The following KCTD3 variants were observed in gnomAD, a reference collection of about 807,000 sequenced individuals.
The protein encoded by KCTD3 is BTB/POZ domain-containing protein KCTD3.
KCTD3 carries 41 observed loss-of-function variants against 85.8 expected under a neutral mutation model. That is an observed-to-expected ratio of 0.48 (90% CI 0.37 to 0.62). The LOEUF is 0.62. Ranked by LOEUF, KCTD3 falls within the 20% of genes least tolerant of loss-of-function variation. The probability of loss-of-function intolerance (pLI) is 0.00; values close to 1 mark genes in which losing one functional copy is unlikely to be tolerated. For synonymous variants in KCTD3, 338 were observed against 345.4 expected (o/e 0.98, Z 0.24); for missense variants, 724 against 989.9 (o/e 0.73, Z 3.60).
At chr1:215,618,845 T>C in intron 15 of KCTD3, 41 bp from the exon 16 acceptor site, 12 of 1,412,810 alleles carry the variant, frequency 8.5e-6, no homozygotes, top group Non-Finnish European at 1.2e-5. Context: ...TTTAAATAAT[T>C]GCTCATTCCC....
At chr1:215,595,288 A>G in intron 9 of KCTD3, 68 bp from the exon 10 acceptor site, 1 of 941,432 alleles carries the variant, frequency 1.1e-6, no homozygotes, top group Non-Finnish European at 1.7e-6. Flanking sequence ...AGATGTTTTT[A>G]ATCCAGGTTT....
At chr1:215,608,477 G>A (rs1571896573) in intron 14 of KCTD3, among the ~76,000 whole-genome samples, 1 of 151,880 alleles carries the variant, frequency 6.6e-6, no homozygotes, top group African/African-American at 2.4e-5. Context: ...TGATAACTGT[G>A]TACATTTGAC....
In KCTD3 at chr1:215,567,604, G is replaced by C; in HGVS notation, c.-82G>C. ...CCGCCCCGCTGGCCCTGCAGCCGTCGCCGCTGCCTCGGGCTACAGCCCCGG... is the reference window on the plus strand; with the variant it reads ...CCGCCCCGCTGGCCCTGCAGCCGTCCCCGCTGCCTCGGGCTACAGCCCCGG... On this transcript the variant is annotated 5_prime_UTR_variant, in exon 1 of 18. Transcript: ENST00000259154. 1 of 882,908 alleles carries C rather than the reference G, an allele frequency of 1.1e-6. No homozygotes were observed. 54.7% of individuals were successfully genotyped at this position (882,908 alleles called of 1,614,324 possible).
chr1:215,585,206 G>GT (rs1431896507), intron 8 of KCTD3, among the ~76,000 whole-genome samples: 4 of 152,084 alleles, frequency 2.6e-5, no homozygotes, highest in African/African-American at 7.2e-5. Flanking sequence ...AAATTTTAGT[G>GT]TTTATTAGGT....
intron 1 of KCTD3, among the ~76,000 whole-genome samples, chr1:215,571,256 C>A (rs1446461599): frequency 6.6e-6 from 1 of 152,144 alleles, no homozygotes; most frequent in Non-Finnish European, 1.5e-5. Context: ...TTCAATTTAC[C>A]ATTGAGTGGA....
chr1:215,614,845 C>A (rs1655370355), intron 15 of KCTD3, among the ~76,000 whole-genome samples: 1 of 151,986 alleles, frequency 6.6e-6, no homozygotes, highest in Non-Finnish European at 1.5e-5. Flanking sequence ...TGAATAAATT[C>A]TTTGAGATGA....
intron 13 of KCTD3, among the ~76,000 whole-genome samples, chr1:215,607,626 A>G (rs1485965368): frequency 6.6e-6 from 1 of 151,840 alleles, no homozygotes; most frequent in African/African-American, 2.4e-5. Flanking sequence ...ATCTAGGTTA[A>G]TAGTTGAGTA....
In KCTD3 at chr1:215,586,561, A is replaced by G; in HGVS notation, c.693A>G (p.Arg231=). 1 of 1,614,138 alleles carries G rather than the reference A, an allele frequency of 6.2e-7. No homozygotes were observed. Among genetic ancestry groups the G allele is most frequent in the Non-Finnish European group, 8.5e-7 (1 of 1,180,008 alleles). The change falls in exon 9 of 18, where the codon CGA becomes CGG. Residue 231 remains arginine, a synonymous_variant. Coordinates refer to ENST00000259154, the MANE Select transcript of KCTD3 (RefSeq NM_016121.5). ...CATATTTGGATTGGACTATCGAACG[A>G]GTAGCTTTAAATGCAAAGGTGGTTG... is the stretch of plus-strand genomic sequence containing the variant. ...TSPYLDWTIE[R]VALNAKVVGG...
intron 13 of KCTD3, among the ~76,000 whole-genome samples, 177 bp from the exon 14 acceptor site, chr1:215,607,840 G>C (rs545690727): frequency 4.6e-5 from 7 of 151,848 alleles, no homozygotes; most frequent in Non-Finnish European, 7.4e-5. Flanking sequence ...TTGCAGCAAG[G>C]TAAAACATCC....
chr1:215,610,359 A>G (rs1463087228), intron 14 of KCTD3, among the ~76,000 whole-genome samples: 2 of 151,872 alleles, frequency 1.3e-5, no homozygotes, highest in Non-Finnish European at 2.9e-5. Flanking sequence ...TTTCTCCCTC[A>G]TTAAAGTTAA....
At chr1:215,586,834 T>A in intron 9 of KCTD3, 149 bp downstream of exon 9, 1 of 605,902 alleles carries the variant, frequency 1.7e-6, no homozygotes, top group African/African-American at 1.9e-5. Flanking sequence ...GATCTGATAA[T>A]GAAGGAAAAA....
intron 6 of KCTD3, among the ~76,000 whole-genome samples, chr1:215,578,674 T>C (rs1178218744): frequency 1.3e-5 from 2 of 152,174 alleles, no homozygotes; most frequent in Non-Finnish European, 2.9e-5. Flanking sequence ...ACATAGTACC[T>C]AACACATAAT....
At chr1:215,614,365 C>T (rs1040607633) in intron 15 of KCTD3, among the ~76,000 whole-genome samples, 7 of 152,086 alleles carry the variant, frequency 4.6e-5, no homozygotes, top group African/African-American at 1.2e-4. Flanking sequence ...TGAAAAATGT[C>T]ATTGGTAGTT....
rs1002449269 is a variant in KCTD3 at position 215,568,723 on chromosome 1, A to G, written c.83+955A>G. Reference sequence around the variant, plus strand: ...AATATGATTTTCAACCAGCATTTTAAAAGTATTTTAATGTCTTAGAACCAT... The same window carrying G: ...AATATGATTTTCAACCAGCATTTTAGAAGTATTTTAATGTCTTAGAACCAT... On this transcript the variant is annotated intron_variant, in intron 1 of 17. Transcript: ENST00000259154. 2.6e-5 allele frequency among the ~76,000 whole-genome samples: 4 copies of G among 152,138 alleles called. No individual in the cohort carries two copies. In the East Asian group the frequency reaches 5.8e-4, roughly 22 times the overall value.
chr1:215,575,836 T>C, intron 3 of KCTD3, 65 bp from the exon 4 acceptor site: 1 of 859,806 alleles, frequency 1.2e-6, no homozygotes, highest in Admixed American at 2.7e-5. Context: ...CCTATTAGTG[T>C]TACAGATATT....
At chr1:215,618,844 T>C in intron 15 of KCTD3, 42 bp from the exon 16 acceptor site, 3 of 1,405,010 alleles carry the variant, frequency 2.1e-6, no homozygotes, top group South Asian at 2.7e-5. Context: ...TTTTAAATAA[T>C]TGCTCATTCC....
chr1:215,567,840 G>C (rs547202405), intron 1 of KCTD3, 72 bp downstream of exon 1: 377 of 1,038,816 alleles, frequency 3.6e-4, no homozygotes, highest in South Asian at 2.3e-3. Flanking sequence ...GACGGGGACC[G>C]AGAGTCGCAG....
Position 215,575,952 on chromosome 1 carries a change from C to A in KCTD3, c.235C>A (p.Arg79=). 6.4e-7 allele frequency: 1 copy of A among 1,553,944 alleles called. No individual in the cohort carries two copies. Among genetic ancestry groups the A allele is most frequent in the East Asian group, 2.3e-5 (1 of 43,636 alleles). The stretch of plus-strand genomic sequence containing the variant: ...ATTTGCACCCATTTTAAATTTTCTT[C>A]GGACAAAAGAACTAGACTTAAGGTA... The part of the protein sequence containing the change: ...AAFAPILNFL[R]TKELDLRGVS... Residue 79 remains arginine, a synonymous_variant, in exon 4 of 18, where the codon CGG becomes AGG. Coordinates refer to ENST00000259154, the MANE Select transcript of KCTD3 (RefSeq NM_016121.5).
intron 8 of KCTD3, chr1:215,581,008 TC>T: frequency 2.2e-6 from 1 of 458,352 alleles, no homozygotes. Flanking sequence ...ACGCCTGTAA[TC>T]CCAGCACTTT....
Sources: allele counts gnomAD v4.1 joint callset (sites outside exome capture counted in the v4.1 genomes callset), GRCh38; gene constraint gnomAD v4.1.1; transcripts MANE v1.5; gene names NCBI Gene and HGNC (gene_info 2026-07-23, HGNC 2026-07-21).